CFAP119: variants seen among roughly 807,000 people sequenced by gnomAD.
CFAP119 encodes the protein cilia- and flagella-associated protein 119.
the CFAP119 span, chr16:30,759,508 G>C: frequency 1.9e-6 from 3 of 1,614,200 alleles, no homozygotes; most frequent in Non-Finnish European, 2.5e-6. Flanking sequence ...CGGAGCCCTG[G>C]CTTTGCCTCC....
At chr16:30,759,890 G>A in the CFAP119 span, 4 of 1,444,688 alleles carry the variant, frequency 2.8e-6, no homozygotes, top group South Asian at 4.5e-5. Context: ...CCCACTATAT[G>A]CCCACTGTAT....
the CFAP119 span, chr16:30,761,168 T>C: frequency 3.7e-6 from 6 of 1,611,916 alleles, no homozygotes; most frequent in East Asian, 1.3e-4. Context: ...ACGCAAATAT[T>C]CAGTGTAATT....
the CFAP119 span, chr16:30,758,842 C>T: frequency 1.7e-6 from 2 of 1,189,982 alleles, no homozygotes; most frequent in Non-Finnish European, 1.1e-6. Flanking sequence ...AGCCACCACG[C>T]CTGGCCTGCA....
the CFAP119 span, chr16:30,761,663 C>T: frequency 3.3e-6 from 5 of 1,535,912 alleles, no homozygotes; most frequent in South Asian, 5.9e-5. Context: ...GCGATCCTTC[C>T]CCGCTTCCCG....
At chr16:30,757,632 G>A in the CFAP119 span, 1 of 1,613,688 alleles carries the variant, frequency 6.2e-7, no homozygotes, top group Non-Finnish European at 8.5e-7. Flanking sequence ...TCTTGATGTA[G>A]GCTCGGAGGA....
chr16:30,761,665 C>T, the CFAP119 span: 2 of 1,535,902 alleles, frequency 1.3e-6, no homozygotes, highest in Non-Finnish European at 1.7e-6. Flanking sequence ...GATCCTTCCC[C>T]GCTTCCCGCC....
chr16:30,759,571 T>G, the CFAP119 span: 1 of 1,614,038 alleles, frequency 6.2e-7, no homozygotes, highest in Non-Finnish European at 8.5e-7. Context: ...CACAAGAAGA[T>G]AAGGGTGATG....
chr16:30,761,042 G>A, the CFAP119 span: 2 of 769,488 alleles, frequency 2.6e-6, no homozygotes, highest in Non-Finnish European at 4.2e-6. Context: ...TTGGACTGGA[G>A]AGGCTGGAAA....
At chr16:30,759,864 T>A in the CFAP119 span, 4 of 1,457,164 alleles carry the variant, frequency 2.7e-6, no homozygotes, top group Middle Eastern at 1.8e-4. Context: ...TTAACTCATG[T>A]AACAAATACT....
the CFAP119 span, chr16:30,757,675 G>C: frequency 6.2e-7 from 1 of 1,600,756 alleles, no homozygotes; most frequent in Non-Finnish European, 8.5e-7. Context: ...AGGGAAGAAG[G>C]GGCAGGGTGA....
At chr16:30,757,794 T>C in the CFAP119 span, 1 of 1,425,410 alleles carries the variant, frequency 7.0e-7, no homozygotes. Flanking sequence ...CTTTAGGAAA[T>C]GTTAGCAAGC....
At chr16:30,761,421 T>C in the CFAP119 span, 1 of 1,433,206 alleles carries the variant, frequency 7.0e-7, no homozygotes, top group East Asian at 2.5e-5. Flanking sequence ...CACACACCCC[T>C]GCCTCTCCTC....
At chr16:30,761,864 T>C in the CFAP119 span, 1 of 1,044,556 alleles carries the variant, frequency 9.6e-7, no homozygotes, top group Non-Finnish European at 1.3e-6. Flanking sequence ...CTCCGGCCAA[T>C]CTACGCGCGG....
chr16:30,761,755 G>A, the CFAP119 span: 3 of 1,515,724 alleles, frequency 2.0e-6, no homozygotes, highest in Non-Finnish European at 2.7e-6. Flanking sequence ...GCATCTCGCC[G>A]CTCTTCCGTG....
the CFAP119 span, chr16:30,760,428 C>T: frequency 5.0e-6 from 8 of 1,613,986 alleles, no homozygotes; most frequent in African/African-American, 1.1e-4. Flanking sequence ...TCAGGACACC[C>T]TAGCTCCAGC....
At chr16:30,758,877 G>A in the CFAP119 span, 1 of 1,430,646 alleles carries the variant, frequency 7.0e-7, no homozygotes, top group Admixed American at 2.4e-5. Flanking sequence ...TGTCATCTTG[G>A]ACTTCTGCAT....
At chr16:30,761,134 G>C in the CFAP119 span, 2 of 1,568,366 alleles carry the variant, frequency 1.3e-6, no homozygotes, top group Non-Finnish European at 1.7e-6. Flanking sequence ...GCCACAGACA[G>C]GACTGTTGGG....
At chr16:30,760,089 T>A in the CFAP119 span, 10 of 1,537,472 alleles carry the variant, frequency 6.5e-6, no homozygotes, top group Non-Finnish European at 8.7e-6. Flanking sequence ...AACAGTCCTG[T>A]AAAATGTGTG....
the CFAP119 span, chr16:30,761,486 G>A: frequency 2.6e-6 from 4 of 1,529,356 alleles, no homozygotes; most frequent in Non-Finnish European, 3.5e-6. Flanking sequence ...GACAGGTGGC[G>A]CCTGCGGGGG....
Sources: gnomAD v4.1 joint callset for allele counts on GRCh38, gnomAD v4.1.1 for gene constraint, MANE v1.5 for transcripts, NCBI Gene and HGNC (gene_info 2026-07-23, HGNC 2026-07-21) for gene names.